The following DNAH14 variants were observed in gnomAD, a reference collection of about 807,000 sequenced individuals.
DNAH14 encodes dynein axonemal heavy chain 14, also known as axonemal beta dynein heavy chain 14.
In DNAH14, 478 loss-of-function variants were observed where a neutral mutation model predicts 520.9. The observed-to-expected ratio is 0.92, with a 90% CI of 0.85 to 0.99. The LOEUF is 0.99. Among genes scored for constraint, DNAH14 ranks in the 50% least tolerant of loss-of-function variants. The pLI is 0.00. For missense variants in DNAH14, 4,831 were observed against 5,234.5 expected (o/e 0.92, Z 2.38); for synonymous variants, 1,581 against 1,757.2 (o/e 0.90, Z 2.51).
Position 224,970,217 on chromosome 1 carries a change from A to G in DNAH14, c.767+1343A>G, listed in dbSNP as rs1198012240. 2.6e-5 allele frequency among the ~76,000 whole-genome samples: 4 copies of G among 152,216 alleles called. No individual in the cohort carries two copies. The South Asian group carries it at 8.3e-4, about 32-fold the overall frequency. On this transcript the variant is annotated intron_variant, in intron 7 of 85. Transcript: ENST00000682510. ...GTATTTTATGGTCAAAGCTGTAGGG[A>G]TGAAATAAGCCCCAGTCCCGTAACG...
rs143128186 is a variant in DNAH14 at position 225,265,950 on chromosome 1, A to G, written c.7410+581A>G. ...TATATATATATATATTGACAGTTAC[A>G]AATTAGGTAATTACATAATTCCAAA... On this transcript the variant is annotated intron_variant, in intron 48 of 85. Transcript: ENST00000682510. 2.1e-3 allele frequency among the ~76,000 whole-genome samples: 323 copies of G among 152,244 alleles called. 2 individuals carry two copies. Among genetic ancestry groups the G allele is most frequent in the African/African-American group, 7.4e-3 (307 of 41,556 alleles).
chr1:225,315,690 C>T (rs934853622), intron 60 of DNAH14, among the ~76,000 whole-genome samples: 1 of 152,152 alleles, frequency 6.6e-6, no homozygotes, highest in Admixed American at 6.6e-5. Context: ...ACAGTCAGGC[C>T]CCTCTTCTGC....
chr1:225,324,592 C>A, intron 63 of DNAH14, 145 bp from the exon 64 acceptor site: 1 of 903,102 alleles, frequency 1.1e-6, no homozygotes, highest in Non-Finnish European at 1.7e-6. Flanking sequence ...CCATAATAGG[C>A]AACTTTGTAC....
At chr1:225,194,326 C>T (rs535726176) in intron 38 of DNAH14, among the ~76,000 whole-genome samples, 1 of 152,060 alleles carries the variant, frequency 6.6e-6, no homozygotes, top group East Asian at 1.9e-4. Flanking sequence ...GACACATAGA[C>T]AAGTAGAGCA....
At chr1:225,358,441 A>G (rs1289652366) in intron 73 of DNAH14, 55 bp from the exon 74 acceptor site, 2 of 1,357,006 alleles carry the variant, frequency 1.5e-6, no homozygotes, top group Non-Finnish European at 2.0e-6. Context: ...ACCATAGGGA[A>G]TATCTCTCTG....
In DNAH14 at chr1:225,002,838, G is replaced by A; in HGVS notation, c.886G>A (p.Val296Ile). 6.5e-7 allele frequency: 1 copy of A among 1,549,072 alleles called. No homozygotes were observed. The highest frequency in any genetic ancestry group is 8.7e-7 in the Non-Finnish European group (1 of 1,145,712). The stretch of plus-strand genomic sequence containing the variant: ...TGATGACTTGTTTCAAACCTGTTTG[G>A]TTTATATAAGAGGACTTTGTGAAGA... Reference protein sequence around the residue: ...LADDLFQTCLVYIRGLCEDAI... With the variant: ...LADDLFQTCLIYIRGLCEDAI... Residue 296 changes from valine to isoleucine, a missense_variant, in exon 9 of 86, where the codon GTT (valine) becomes ATT (isoleucine). Coordinates refer to ENST00000682510, the MANE Select transcript of DNAH14 (RefSeq NM_001367479.1).
chr1:225,202,300 G>C (rs2086943091), intron 38 of DNAH14, among the ~76,000 whole-genome samples: 1 of 152,178 alleles, frequency 6.6e-6, no homozygotes, highest in Non-Finnish European at 1.5e-5. Flanking sequence ...GGGTAGGGAA[G>C]GACCATTAGG....
At chr1:225,168,938 C>A (rs1398190541) in intron 36 of DNAH14, among the ~76,000 whole-genome samples, 1 of 152,134 alleles carries the variant, frequency 6.6e-6, no homozygotes, top group Non-Finnish European at 1.5e-5. Flanking sequence ...GCCGGGTACT[C>A]CTCTGAGAAA....
chr1:225,308,500 T>G (rs1326024368), intron 60 of DNAH14, 90 bp downstream of exon 60: 2 of 1,299,426 alleles, frequency 1.5e-6, no homozygotes, highest in East Asian at 5.3e-5. Flanking sequence ...CTGACTAGTC[T>G]TAAATACATA....
intron 36 of DNAH14, 68 bp downstream of exon 36, chr1:225,168,096 C>A: frequency 4.6e-6 from 4 of 876,452 alleles, no homozygotes; most frequent in Middle Eastern, 2.6e-4. Context: ...AAATAAAGGG[C>A]AAAAATAATA....
chr1:225,208,363 G>A (rs1284731727), intron 41 of DNAH14, among the ~76,000 whole-genome samples: 1 of 152,150 alleles, frequency 6.6e-6, no homozygotes, highest in Non-Finnish European at 1.5e-5. Context: ...ATAATAAATG[G>A]GTTGAATGCT....
At chr1:225,376,385 C>T (rs1321558403) in intron 78 of DNAH14, among the ~76,000 whole-genome samples, 3 of 152,120 alleles carry the variant, frequency 2.0e-5, no homozygotes, top group Non-Finnish European at 2.9e-5. Flanking sequence ...CGAGATCATG[C>T]CAGTGCACTC....
In DNAH14 at chr1:225,080,385, ACTC is replaced by A. The variant is rs1324874670; in HGVS notation, c.2777_2779del (p.Pro926del). 2 of 1,525,270 alleles carry A rather than the reference ACTC, an allele frequency of 1.3e-6. No homozygotes were observed. Among genetic ancestry groups the A allele is most frequent in the Non-Finnish European group, 1.8e-6 (2 of 1,135,646 alleles). The allele number at this position is 1,525,270 out of a possible 1,614,324, so 94.5% of individuals were successfully genotyped here. On this transcript the variant is annotated inframe_deletion, in exon 19 of 86. Transcript: ENST00000682510. Reference sequence around the variant, plus strand: ...TCCTACTCTTATTTTTTAGATAAGAACTCCTCTTCTGTTATGTGCTGGTACTCA... The same window carrying A: ...TCCTACTCTTATTTTTTAGATAAGAACTCTTCTGTTATGTGCTGGTACTCA...
chr1:225,224,096 C>G (rs1167150614), intron 41 of DNAH14, among the ~76,000 whole-genome samples: 1 of 152,076 alleles, frequency 6.6e-6, no homozygotes, highest in Non-Finnish European at 1.5e-5. Flanking sequence ...AACTTACACA[C>G]TTTAAATGAT....
intron 80 of DNAH14, 112 bp from the exon 81 acceptor site, chr1:225,381,271 C>T (rs761509087): frequency 1.9e-6 from 2 of 1,067,138 alleles, no homozygotes; most frequent in African/African-American, 3.2e-5. Context: ...TGTTTATCAA[C>T]CCCTGGTCAA....
At position 225,144,384 on chromosome 1, in the gene DNAH14, A is replaced by G; in HGVS notation, c.4509-13A>G. Reference sequence around the variant, plus strand: ...TAACCAAATAATATGAACATTTAAAATTTGGCTTTCAGACATTTGCAATAT... The same window carrying G: ...TAACCAAATAATATGAACATTTAAAGTTTGGCTTTCAGACATTTGCAATAT... On this transcript the variant is annotated splice_polypyrimidine_tract_variant and intron_variant, in intron 28 of 85. Coordinates refer to ENST00000682510, the MANE Select transcript of DNAH14 (RefSeq NM_001367479.1). 2 of 1,524,930 alleles carry G rather than the reference A, an allele frequency of 1.3e-6. No individual in the cohort carries two copies. The highest frequency in any genetic ancestry group is 3.4e-4 in the Middle Eastern group (2 of 5,908). The allele number at this position is 1,524,930 out of a possible 1,614,324, so 94.5% of individuals were successfully genotyped here.
intron 75 of DNAH14, among the ~76,000 whole-genome samples, chr1:225,362,436 G>C (rs927697246): frequency 6.6e-6 from 1 of 152,016 alleles, no homozygotes; most frequent in Non-Finnish European, 1.5e-5. Flanking sequence ...TTAGCCGGGC[G>C]TGGTGGCACA....
intron 21 of DNAH14, among the ~76,000 whole-genome samples, chr1:225,095,786 A>G (rs1039407322): frequency 6.6e-6 from 1 of 152,192 alleles, no homozygotes; most frequent in Non-Finnish European, 1.5e-5. Flanking sequence ...TGGAAAATAC[A>G]AACTATAGTT....
At chr1:225,249,074 A>C (rs1210940702) in intron 43 of DNAH14, among the ~76,000 whole-genome samples, 1 of 152,192 alleles carries the variant, frequency 6.6e-6, no homozygotes, top group Admixed American at 6.5e-5. Context: ...TTATAATGGC[A>C]TAAGAAGCCA....
Sources: allele counts gnomAD v4.1 joint callset (sites outside exome capture counted in the v4.1 genomes callset), GRCh38; gene constraint gnomAD v4.1.1; transcripts MANE v1.5; gene names NCBI Gene and HGNC (gene_info 2026-07-23, HGNC 2026-07-21).